The following SLC25A26 variants were observed in gnomAD, a reference collection of about 807,000 sequenced individuals.
SLC25A26 encodes the protein mitochondrial S-adenosylmethionine carrier protein.
Under a neutral mutation model 37.8 loss-of-function variants are expected in SLC25A26, and 36 were observed. The ratio of observed to expected loss-of-function variants is 0.95; its 90% confidence interval spans 0.73 to 1.26. The LOEUF (loss-of-function observed/expected upper bound fraction) is 1.26, where lower values mean the gene tolerates loss of function less well. Ranked by LOEUF, SLC25A26 falls within the 50% of genes most tolerant of loss-of-function variation. SLC25A26 has a pLI of 0.00. For missense variants in SLC25A26, 390 were observed against 331.1 expected (o/e 1.18, Z -1.38); for synonymous variants, 129 against 122.5 (o/e 1.05, Z -0.35).
chr3:66,186,631 A>G (rs2070833671), intron 1 of SLC25A26, among the ~76,000 whole-genome samples: 1 of 152,048 alleles, frequency 6.6e-6, no homozygotes, highest in African/African-American at 2.4e-5. Flanking sequence ...TATGAAAACA[A>G]TTGGGACCCT....
At position 66,364,366 on chromosome 3, in the gene SLC25A26, C is replaced by T. The variant is rs1283105954; in HGVS notation, c.568+1437C>T. 4.6e-5 allele frequency among the ~76,000 whole-genome samples: 7 copies of T among 152,258 alleles called. No individual in the cohort carries two copies. The East Asian group carries it at 1.4e-3, about 29-fold the overall frequency. ...ATGTGGTAGGATCCTACCATCCAGGCCCTTTCAGTTAAGGTGACTCACCTG... is the reference window on the plus strand; with the variant it reads ...ATGTGGTAGGATCCTACCATCCAGGTCCTTTCAGTTAAGGTGACTCACCTG... On this transcript the variant is annotated intron_variant, in intron 7 of 9. Transcript: ENST00000354883.
chr3:66,286,472 G>A (rs879939763), intron 5 of SLC25A26, among the ~76,000 whole-genome samples: 1 of 151,656 alleles, frequency 6.6e-6, no homozygotes, highest in African/African-American at 2.4e-5. Context: ...TCACTGAAAT[G>A]CTTTTGCATC....
At chr3:66,246,029 G>A (rs1254389649) in intron 3 of SLC25A26, among the ~76,000 whole-genome samples, 2 of 152,080 alleles carry the variant, frequency 1.3e-5, no homozygotes, top group Non-Finnish European at 2.9e-5. Context: ...CTATGAATTT[G>A]CCTATTTTGG....
intron 5 of SLC25A26, among the ~76,000 whole-genome samples, chr3:66,334,046 C>T (rs895870860): frequency 2.0e-5 from 3 of 151,956 alleles, no homozygotes; most frequent in African/African-American, 7.3e-5. Context: ...GTTTTCATTC[C>T]CTTAACAGTT....
intron 6 of SLC25A26, among the ~76,000 whole-genome samples, chr3:66,356,937 C>T (rs1366054625): frequency 6.6e-6 from 1 of 152,042 alleles, no homozygotes; most frequent in African/African-American, 2.4e-5. Flanking sequence ...GTGGAATGTT[C>T]CTATTTTTGT....
intron 5 of SLC25A26, among the ~76,000 whole-genome samples, chr3:66,325,828 T>G (rs1272132403): frequency 6.6e-6 from 1 of 152,200 alleles, no homozygotes; most frequent in Admixed American, 6.5e-5. Flanking sequence ...GAAGGTTTTA[T>G]AAACAGAAGG....
intron 1 of SLC25A26, among the ~76,000 whole-genome samples, chr3:66,195,611 G>A (rs1177359260): frequency 6.6e-6 from 1 of 152,212 alleles, no homozygotes; most frequent in African/African-American, 2.4e-5. Context: ...GGGTGGTGCT[G>A]CCGAGCGAGG....
intron 1 of SLC25A26, among the ~76,000 whole-genome samples, chr3:66,235,761 T>C (rs2072249198): frequency 6.6e-6 from 1 of 152,224 alleles, no homozygotes; most frequent in South Asian, 2.1e-4. Context: ...AATGAGACTA[T>C]ATGTTCATAC....
At chr3:66,136,247 C>T (rs180801852) in intron 1 of SLC25A26, among the ~76,000 whole-genome samples, 3 of 152,200 alleles carry the variant, frequency 2.0e-5, no homozygotes, top group Admixed American at 1.3e-4. Flanking sequence ...GATAACATTT[C>T]GGTGGTTCAC....
chr3:66,251,656 C>A (rs2073089623), intron 3 of SLC25A26, among the ~76,000 whole-genome samples: 2 of 152,120 alleles, frequency 1.3e-5, no homozygotes, highest in Non-Finnish European at 1.5e-5. Flanking sequence ...TATGACCTTG[C>A]TTGTAGTTAT....
intron 9 of SLC25A26, among the ~76,000 whole-genome samples, chr3:66,375,396 C>T (rs182595503): frequency 1.2e-4 from 19 of 152,280 alleles, no homozygotes; most frequent in Admixed American, 1.0e-3. Context: ...AAACAGCCTT[C>T]GATTAGAAGA....
chr3:66,162,125 C>T (rs2106713722), intron 1 of SLC25A26, among the ~76,000 whole-genome samples: 2 of 152,278 alleles, frequency 1.3e-5, no homozygotes, highest in South Asian at 4.1e-4. Flanking sequence ...CCTTGCCTTC[C>T]AGATGGCCAT....
chr3:66,331,843 C>T (rs1444389611), intron 5 of SLC25A26, among the ~76,000 whole-genome samples: 2 of 152,198 alleles, frequency 1.3e-5, no homozygotes, highest in Non-Finnish European at 2.9e-5. Context: ...TTACATCCCT[C>T]CTCAGTAAGG....
At chr3:66,209,995 T>TACCAATCCCCTAGCATAGGC (rs2071263034) in intron 1 of SLC25A26, among the ~76,000 whole-genome samples, 1 of 130,182 alleles carries the variant, frequency 7.7e-6, no homozygotes, top group South Asian at 2.6e-4. Context: ...TCTATAGCAA[T>TACCAATCCCCTAGCATAGGC]ACCAATCCCC....
intron 5 of SLC25A26, among the ~76,000 whole-genome samples, chr3:66,276,861 T>C (rs2074167055): frequency 1.3e-5 from 2 of 150,764 alleles, no homozygotes; most frequent in African/African-American, 4.9e-5. Flanking sequence ...ACTGACATTA[T>C]AGAAGAACGC....
intron 1 of SLC25A26, among the ~76,000 whole-genome samples, chr3:66,184,104 C>T (rs924577184): frequency 5.3e-5 from 8 of 152,168 alleles, no homozygotes; most frequent in Middle Eastern, 6.8e-3. Flanking sequence ...ACACCCTCCC[C>T]GTGACTGAGA....
At chr3:66,137,424 C>T (rs2069963788) in intron 1 of SLC25A26, among the ~76,000 whole-genome samples, 1 of 152,014 alleles carries the variant, frequency 6.6e-6, no homozygotes. Flanking sequence ...GACAGGGTTT[C>T]ACCATGTTGG....
chr3:66,149,167 G>C (rs868481906), intron 1 of SLC25A26, among the ~76,000 whole-genome samples: 1 of 152,036 alleles, frequency 6.6e-6, no homozygotes, highest in African/African-American at 2.4e-5. Flanking sequence ...TTTTTCCAAG[G>C]AGTGACATGG....
At chr3:66,317,758 A>AG (rs1383517779) in intron 5 of SLC25A26, among the ~76,000 whole-genome samples, 2 of 152,236 alleles carry the variant, frequency 1.3e-5, no homozygotes, top group African/African-American at 2.4e-5. Flanking sequence ...CCCTCCTCCT[A>AG]GGGGCTCCTG....
Sources: gnomAD v4.1 joint callset for allele counts (sites outside exome capture counted in the v4.1 genomes callset) on GRCh38, gnomAD v4.1.1 for gene constraint, MANE v1.5 for transcripts, NCBI Gene and HGNC (gene_info 2026-07-23, HGNC 2026-07-21) for gene names.